DNAJC15: variants seen among roughly 807,000 people sequenced by gnomAD.
DNAJC15 encodes the protein dnaJ homolog subfamily C member 15.
DNAJC15 carries 27 observed loss-of-function variants against 22.4 expected under a neutral mutation model. The observed-to-expected ratio is 1.20, with a 90% confidence interval of 0.89 to 1.66. The LOEUF (loss-of-function observed/expected upper bound fraction) is 1.66. Among genes scored for constraint, DNAJC15 ranks in the 40% most tolerant of loss-of-function variants. DNAJC15 has a pLI of 0.00. For synonymous variants in DNAJC15, 79 were observed against 63.2 expected (o/e 1.25, Z -1.19); for missense variants, 208 against 187.1 (o/e 1.11, Z -0.65).
intron 3 of DNAJC15, among the ~76,000 whole-genome samples, chr13:43,075,368 G>A (rs2040628600): frequency 6.6e-6 from 1 of 152,144 alleles, no homozygotes. Context: ...GGTGACTATA[G>A]TGGGAATGAC....
chr13:43,058,988 A>G (rs968610391), intron 1 of DNAJC15, among the ~76,000 whole-genome samples: 2 of 152,152 alleles, frequency 1.3e-5, no homozygotes, highest in Admixed American at 1.3e-4. Flanking sequence ...TGGAGTCTGC[A>G]ATGGCAAGCT....
At chr13:43,062,680 C>G (rs2040564472) in intron 1 of DNAJC15, among the ~76,000 whole-genome samples, 1 of 152,142 alleles carries the variant, frequency 6.6e-6, no homozygotes, top group Non-Finnish European at 1.5e-5. Context: ...TGTTGCAATA[C>G]TTAATCTATA....
chr13:43,076,955 G>C (rs1429905352), intron 3 of DNAJC15, among the ~76,000 whole-genome samples: 3 of 152,088 alleles, frequency 2.0e-5, no homozygotes, highest in African/African-American at 7.2e-5. Flanking sequence ...GCTAGGCCTT[G>C]TCAGCCTCCT....
chr13:43,045,396 A>G (rs1340937704), intron 1 of DNAJC15, among the ~76,000 whole-genome samples: 1 of 152,206 alleles, frequency 6.6e-6, no homozygotes, highest in Non-Finnish European at 1.5e-5. Flanking sequence ...TCGGCAAGCT[A>G]CTGTCTTAAA....
chr13:43,060,816 T>C (rs1230366784), intron 1 of DNAJC15, among the ~76,000 whole-genome samples: 1 of 152,114 alleles, frequency 6.6e-6, no homozygotes, highest in Non-Finnish European at 1.5e-5. Flanking sequence ...AACTGAGGAA[T>C]TATGTCTGAC....
Position 43,068,941 on chromosome 13 carries a change from T to G in DNAJC15, c.172T>G (p.Phe58Val). Residue 58 changes from phenylalanine to valine, a missense_variant, in exon 3 of 6, where the codon TTT becomes GTT. Coordinates refer to ENST00000379221, the MANE Select transcript of DNAJC15 (RefSeq NM_013238.3). ...AALAFAGRYA[F>V]RIWKPLEQVI... ...CCTTTACTATTTAGGTCGCTACGCATTTCGGATCTGGAAACCTCTAGAACA... is the reference window on the plus strand; with the variant it reads ...CCTTTACTATTTAGGTCGCTACGCAGTTCGGATCTGGAAACCTCTAGAACA... The G allele has an allele frequency of 1.2e-6, 2 of 1,612,848 alleles. No individual in the cohort carries two copies. Among genetic ancestry groups the G allele is most frequent in the Non-Finnish European group, 8.5e-7 (1 of 1,179,398 alleles).
intron 1 of DNAJC15, among the ~76,000 whole-genome samples, chr13:43,031,758 A>G (rs565854867): frequency 6.6e-6 from 1 of 152,366 alleles, no homozygotes; most frequent in South Asian, 2.1e-4. Flanking sequence ...TTTGAGAAGT[A>G]GATGAATCCC....
intron 1 of DNAJC15, among the ~76,000 whole-genome samples, chr13:43,065,087 T>C (rs959706967): frequency 6.6e-6 from 1 of 152,164 alleles, no homozygotes; most frequent in Non-Finnish European, 1.5e-5. Flanking sequence ...AAGCTCAGAA[T>C]ATTGTGGGTA....
intron 1 of DNAJC15, among the ~76,000 whole-genome samples, chr13:43,036,076 G>A (rs1257537601): frequency 6.6e-6 from 1 of 151,438 alleles, no homozygotes; most frequent in East Asian, 1.9e-4. Context: ...CTAAAAGTCT[G>A]CCTTCTTATC....
intron 1 of DNAJC15, among the ~76,000 whole-genome samples, chr13:43,048,975 T>TA (rs747581524): frequency 4.2e-5 from 6 of 142,934 alleles, no homozygotes; most frequent in South Asian, 2.2e-4. Context: ...TTTAAAGAAT[T>TA]AAAAAAAAAG....
chr13:43,107,517 TC>T lies in DNAJC15; in HGVS notation c.*275del, dbSNP rs1456072837. On this transcript the variant is annotated 3_prime_UTR_variant, in exon 6 of 6. Coordinates refer to ENST00000379221, the MANE Select transcript of DNAJC15 (RefSeq NM_013238.3). ...TTAAGATTTTTGTTATGTTCTGAAT[TC>T]CCCCCTACACACACACACACACACA... The T allele has an allele frequency of 6.8e-5, 10 of 147,236 alleles. No individual in the cohort carries two copies. The highest frequency in any genetic ancestry group is 6.4e-4 in the South Asian group (4 of 6,204). 9.1% of individuals were successfully genotyped at this position (147,236 alleles called of 1,614,324 possible).
chr13:43,051,456 G>T (rs771666463), intron 1 of DNAJC15, among the ~76,000 whole-genome samples: 1 of 152,082 alleles, frequency 6.6e-6, no homozygotes, highest in Non-Finnish European at 1.5e-5. Flanking sequence ...CCCACAATCC[G>T]TTGTATCAAT....
chr13:43,074,990 C>T (rs991488865), intron 3 of DNAJC15, among the ~76,000 whole-genome samples: 12 of 152,146 alleles, frequency 7.9e-5, no homozygotes, highest in African/African-American at 1.4e-4. Context: ...TAGGGCTGAC[C>T]GTGGTGCCTG....
At position 43,109,482 on chromosome 13, in the gene DNAJC15, AATTG is replaced by A. The variant is rs1328996504; in HGVS notation, c.*2237_*2240del. On this transcript the variant is annotated 3_prime_UTR_variant, in exon 6 of 6. Coordinates refer to ENST00000379221, the MANE Select transcript of DNAJC15 (RefSeq NM_013238.3). ...TGGGGCACCCTCAGATGCACCTTTT[AATTG>A]ATGTCATATTTTCCTAATCCATACT... 6.6e-6 allele frequency: 1 copy of A among 152,156 alleles called. No homozygotes were observed. Among genetic ancestry groups the A allele is most frequent in the Non-Finnish European group, 1.5e-5 (1 of 68,030 alleles). The allele number at this position is 152,156 out of a possible 1,614,324, so 9.4% of individuals were successfully genotyped here.
At chr13:43,050,590 G>A (rs540118622) in intron 1 of DNAJC15, among the ~76,000 whole-genome samples, 2 of 151,986 alleles carry the variant, frequency 1.3e-5, no homozygotes, top group Admixed American at 1.3e-4. Context: ...TACAAAATAT[G>A]ATTGTATAGG....
At chr13:43,027,926 G>A (rs560800613) in intron 1 of DNAJC15, among the ~76,000 whole-genome samples, 1 of 152,242 alleles carries the variant, frequency 6.6e-6, no homozygotes, top group African/African-American at 2.4e-5. Flanking sequence ...CGAAGTGCTG[G>A]GATTTCAGGG....
At chr13:43,047,819 G>A (rs779325680) in intron 1 of DNAJC15, among the ~76,000 whole-genome samples, 16 of 152,140 alleles carry the variant, frequency 1.1e-4, no homozygotes, top group Non-Finnish European at 1.9e-4. Flanking sequence ...AGTTTAGTAC[G>A]AGCCATGAGG....
intron 4 of DNAJC15, among the ~76,000 whole-genome samples, chr13:43,081,992 C>T (rs976703653): frequency 6.6e-6 from 1 of 151,928 alleles, no homozygotes; most frequent in African/African-American, 2.4e-5. Flanking sequence ...TTTATAAAAC[C>T]ATCAGATCTC....
intron 2 of DNAJC15, among the ~76,000 whole-genome samples, chr13:43,066,362 C>T (rs2040584062): frequency 6.6e-6 from 1 of 152,022 alleles, no homozygotes; most frequent in Non-Finnish European, 1.5e-5. Context: ...ATCCTTGGCT[C>T]ATGGACCCTT....
Sources: allele counts gnomAD v4.1 joint callset (sites outside exome capture counted in the v4.1 genomes callset), GRCh38; gene constraint gnomAD v4.1.1; transcripts MANE v1.5; gene names NCBI Gene and HGNC (gene_info 2026-07-23, HGNC 2026-07-21).